The following MED12L variants were observed in gnomAD, a reference collection of about 807,000 sequenced individuals.
MED12L encodes mediator complex subunit 12L, also known as mediator of RNA polymerase II transcription subunit 12-like protein.
A neutral mutation model predicts 281.3 loss-of-function variants in MED12L; 60 were observed. The observed-to-expected ratio is 0.21, with a 90% CI of 0.17 to 0.26. The LOEUF is 0.26. Ranked by LOEUF, MED12L falls within the 10% of genes least tolerant of loss-of-function variation. The pLI is 1.00. For synonymous variants in MED12L, 974 were observed against 987.2 expected (o/e 0.99, Z 0.25); for missense variants, 2,146 against 2,680.9 (o/e 0.80, Z 4.41).
At chr3:151,409,381 A>G in intron 40 of MED12L, 49 bp downstream of exon 40, 2 of 1,549,570 alleles carry the variant, frequency 1.3e-6, no homozygotes, top group Non-Finnish European at 1.8e-6. Context: ...AAAGCTCTTT[A>G]TTGGAGGTGG....
intron 27 of MED12L, among the ~76,000 whole-genome samples, chr3:151,375,526 A>G (rs1756725433): frequency 6.6e-6 from 1 of 152,158 alleles, no homozygotes; most frequent in Non-Finnish European, 1.5e-5. Context: ...ATTATTGTAT[A>G]AAAAAGAGAT....
intron 2 of MED12L, among the ~76,000 whole-genome samples, chr3:151,114,943 C>T (rs1388930045): frequency 3.3e-5 from 5 of 152,100 alleles, no homozygotes; most frequent in Non-Finnish European, 7.4e-5. Flanking sequence ...AATTTCTCTT[C>T]CTAGTCTAGG....
intron 16 of MED12L, among the ~76,000 whole-genome samples, chr3:151,332,081 C>T (rs1180043762): frequency 6.6e-6 from 1 of 152,048 alleles, no homozygotes; most frequent in South Asian, 2.1e-4. Context: ...AACTTTATGC[C>T]AATGTAAATT....
intron 5 of MED12L, among the ~76,000 whole-genome samples, chr3:151,141,173 T>TTTTTTTTTG: frequency 7.9e-6 from 1 of 126,104 alleles, no homozygotes; most frequent in African/African-American, 3.9e-5. Flanking sequence ...GGCGTTTTTT[T>TTTTTTTTTG]TTTTGTTTTT....
At chr3:151,230,456 G>A (rs1731428439) in intron 16 of MED12L, among the ~76,000 whole-genome samples, 1 of 152,034 alleles carries the variant, frequency 6.6e-6, no homozygotes, top group Non-Finnish European at 1.5e-5. Context: ...ATACCTGTAT[G>A]TAAAAAAATT....
intron 11 of MED12L, among the ~76,000 whole-genome samples, chr3:151,172,241 T>C (rs1275151317): frequency 6.6e-6 from 1 of 152,234 alleles, no homozygotes; most frequent in Non-Finnish European, 1.5e-5. Flanking sequence ...AGTCTCAGTT[T>C]CCTCATTTTG....
chr3:151,318,917 T>C (rs1748636747), intron 16 of MED12L, among the ~76,000 whole-genome samples: 1 of 152,158 alleles, frequency 6.6e-6, no homozygotes, highest in Non-Finnish European at 1.5e-5. Flanking sequence ...CTTTTTCTCC[T>C]GAAGTGGGCT....
Position 151,436,337 on chromosome 3 carries a change from G to T in MED12L, c.*3533G>T. 1 of 182,986 alleles carries T rather than the reference G, an allele frequency of 5.5e-6. No individual in the cohort carries two copies. Among genetic ancestry groups the T allele is most frequent in the Non-Finnish European group, 1.2e-5 (1 of 86,670 alleles). 11.3% of individuals were successfully genotyped at this position (182,986 alleles called of 1,614,324 possible). On this transcript the variant is annotated 3_prime_UTR_variant, in exon 45 of 45. Transcript: ENST00000687756. Reference sequence around the variant, plus strand: ...TTCTGAGTGCCATGCTTGTAACATTGATAGGAGGTGGACACTAGGCAACTG... The same window carrying T: ...TTCTGAGTGCCATGCTTGTAACATTTATAGGAGGTGGACACTAGGCAACTG...
chr3:151,357,178 C>T, intron 19 of MED12L, 35 bp from the exon 20 acceptor site: 3 of 1,523,074 alleles, frequency 2.0e-6, no homozygotes, highest in Non-Finnish European at 1.8e-6. Context: ...TGTTTTGGCA[C>T]CTACATGTTT....
At chr3:151,407,410 C>A (rs1311185448) in intron 39 of MED12L, among the ~76,000 whole-genome samples, 1 of 152,154 alleles carries the variant, frequency 6.6e-6, no homozygotes, top group African/African-American at 2.4e-5. Flanking sequence ...GTTGATTTTT[C>A]TGTTTTGTAA....
chr3:151,244,584 A>C (rs1475919135), intron 16 of MED12L, among the ~76,000 whole-genome samples: 50 of 151,486 alleles, frequency 3.3e-4, no homozygotes, highest in Non-Finnish European at 6.6e-4. Context: ...ACAAAGACAC[A>C]ACATACCAGA....
At chr3:151,203,632 A>G (rs889027734) in intron 16 of MED12L, among the ~76,000 whole-genome samples, 3 of 152,062 alleles carry the variant, frequency 2.0e-5, no homozygotes, top group Non-Finnish European at 4.4e-5. Flanking sequence ...AAAGAAGTAA[A>G]CAAAAAGATG....
At chr3:151,222,789 T>C (rs2149275403) in intron 16 of MED12L, among the ~76,000 whole-genome samples, 1 of 152,336 alleles carries the variant, frequency 6.6e-6, no homozygotes, top group African/African-American at 2.4e-5. Context: ...CCAGATCCTG[T>C]GCCCAGGAGA....
At chr3:151,380,597 CAA>C (rs56792030) in intron 32 of MED12L, among the ~76,000 whole-genome samples, 53,894 of 112,836 alleles carry the variant, frequency 0.48, 10,075 homozygotes, top group Middle Eastern at 0.55. Flanking sequence ...AACTCTGTCT[CAA>C]AAAAAAAAAA....
intron 2 of MED12L, 27 bp downstream of exon 2, chr3:151,087,052 A>C (rs971461481): frequency 1.9e-6 from 3 of 1,567,064 alleles, no homozygotes; most frequent in Non-Finnish European, 2.6e-6. Context: ...CCTCCCCGGC[A>C]ACCGGGGCCG....
intron 2 of MED12L, among the ~76,000 whole-genome samples, chr3:151,106,795 C>T (rs1722130046): frequency 6.6e-6 from 1 of 152,084 alleles, no homozygotes; most frequent in Admixed American, 6.5e-5. Context: ...TACTTTTTGT[C>T]TTGAAGTCTA....
At chr3:151,134,626 A>G (rs1376727557) in intron 5 of MED12L, among the ~76,000 whole-genome samples, 2 of 152,342 alleles carry the variant, frequency 1.3e-5, no homozygotes, top group South Asian at 2.1e-4. Context: ...GTCTTAAGGA[A>G]TAAGCCACTG....
intron 23 of MED12L, among the ~76,000 whole-genome samples, chr3:151,366,545 T>A (rs1755299478): frequency 6.6e-6 from 1 of 152,230 alleles, no homozygotes; most frequent in Non-Finnish European, 1.5e-5. Flanking sequence ...TTGGATATCA[T>A]GTTGCATCCA....
At chr3:151,346,274 AGTTATCT>A (rs1247668714) in intron 16 of MED12L, among the ~76,000 whole-genome samples, 1 of 152,002 alleles carries the variant, frequency 6.6e-6, no homozygotes, top group Non-Finnish European at 1.5e-5. Context: ...CTTTATCATC[AGTTATCT>A]GTTCCCCAAT....
Sources: gnomAD v4.1 joint callset for allele counts (sites outside exome capture counted in the v4.1 genomes callset) on GRCh38, gnomAD v4.1.1 for gene constraint, MANE v1.5 for transcripts, NCBI Gene and HGNC (gene_info 2026-07-23, HGNC 2026-07-21) for gene names.